NECAB2: variants seen among roughly 807,000 people sequenced by gnomAD.
The protein encoded by NECAB2 is N-terminal EF-hand calcium-binding protein 2.
NECAB2 carries 68 observed loss-of-function variants against 51.9 expected under a neutral mutation model. That is an observed-to-expected ratio of 1.31 (90% confidence interval 1.08 to 1.60). NECAB2 has a LOEUF of 1.60. Ranked by LOEUF, NECAB2 falls within the 40% of genes most tolerant of loss-of-function variation. The pLI, the probability that NECAB2 is intolerant of heterozygous loss-of-function variation, is 0.00. For synonymous variants in NECAB2, 329 were observed against 203.5 expected, an observed-to-expected ratio of 1.62 and a Z score of -5.25; for missense variants, 854 against 490.3, an observed-to-expected ratio of 1.74 and a Z score of -7.00.
chr16:83,992,526 G>T (rs558722951), intron 6 of NECAB2, among the ~76,000 whole-genome samples: 1 of 152,166 alleles, frequency 6.6e-6, no homozygotes, highest in Non-Finnish European at 1.5e-5. Flanking sequence ...ACCCAAGCTC[G>T]ATTGAGCCCT....
chr16:83,990,659 A>T (rs2151095090), intron 6 of NECAB2, 29 bp downstream of exon 6: 3 of 1,612,744 alleles, frequency 1.9e-6, no homozygotes, highest in African/African-American at 2.7e-5. Flanking sequence ...GCAGGGTCCC[A>T]TGGGGGTATG....
At chr16:83,984,079 T>G (rs1450608301) in intron 5 of NECAB2, among the ~76,000 whole-genome samples, 1 of 145,860 alleles carries the variant, frequency 6.9e-6, no homozygotes, top group East Asian at 2.2e-4. Context: ...CACTGCCAGC[T>G]CCGCCTCCCG....
chr16:84,000,366 T>G (rs530841214), intron 10 of NECAB2, among the ~76,000 whole-genome samples: 1 of 98,636 alleles, frequency 1.0e-5, no homozygotes, highest in Non-Finnish European at 1.7e-5. Flanking sequence ...CCCATCTCTA[T>G]TGGGACAGTT....
chr16:84,001,608 C>T (rs541110859), intron 11 of NECAB2, among the ~76,000 whole-genome samples: 1 of 152,182 alleles, frequency 6.6e-6, no homozygotes, highest in South Asian at 2.1e-4. Context: ...TCCCGCTGCC[C>T]ATTTATAGCT....
rs1597227376 is a variant in NECAB2, at chr16:83,998,316, C to T, written c.961C>T (p.His321Tyr). Reference sequence around the variant, plus strand: ...GACCACTGGCGTGAGGAACTGCTTCCAGTGAGTGAGCTGCCGAGGCGTGGG... The same window carrying T: ...GACCACTGGCGTGAGGAACTGCTTCTAGTGAGTGAGCTGCCGAGGCGTGGG... ...RGTTGVRNCFHITAVRLSDGF... is the reference protein window; with the variant it reads ...RGTTGVRNCFYITAVRLSDGF... Residue 321 changes from histidine (H) to tyrosine (Y), a missense_variant and splice_region_variant, in exon 10 of 13, where the codon CAC becomes TAC. Physicochemically the swap from His to Tyr is moderately conservative, Grantham distance 83 (BLOSUM62 2). Coordinates refer to ENST00000305202, the MANE Select transcript of NECAB2 (RefSeq NM_019065.3). 5 of 1,613,234 alleles carry T rather than the reference C, an allele frequency of 3.1e-6. No individual in the cohort carries two copies. The highest frequency in any genetic ancestry group is 1.7e-4 in the Middle Eastern group (1 of 6,060).
At chr16:83,999,199 G>A (rs942353190) in intron 10 of NECAB2, among the ~76,000 whole-genome samples, 1 of 152,206 alleles carries the variant, frequency 6.6e-6, no homozygotes, top group Non-Finnish European at 1.5e-5. Flanking sequence ...GAGTAGCCTG[G>A]GCAGGAGTGC....
At chr16:83,990,397 C>A (rs1597214675) in intron 5 of NECAB2, 97 bp from the exon 6 acceptor site, 2 of 1,489,830 alleles carry the variant, frequency 1.3e-6, no homozygotes. Flanking sequence ...AAAGCAAATT[C>A]ACCAGCACCA....
At chr16:83,998,122 A>AG in intron 9 of NECAB2, 83 bp from the exon 10 acceptor site, 1 of 1,206,624 alleles carries the variant, frequency 8.3e-7, no homozygotes, top group Non-Finnish European at 1.2e-6. Context: ...TGACCGAGGA[A>AG]GGGAGGTCAT....
chr16:83,972,120 C>T (rs756395572), intron 1 of NECAB2, 31 bp from the exon 2 acceptor site: 11 of 1,612,716 alleles, frequency 6.8e-6, no homozygotes, highest in East Asian at 2.2e-5. Flanking sequence ...TCTCCCTGGC[C>T]CAGGGCTGAC....
At chr16:83,999,550 C>G (rs866864070) in intron 10 of NECAB2, among the ~76,000 whole-genome samples, 127 of 152,270 alleles carry the variant, frequency 8.3e-4, no homozygotes, top group African/African-American at 3.0e-3. Context: ...CCGGCCCCTT[C>G]CTCTAGGCTG....
rs111707235 is a variant in NECAB2 at position 84,001,675 on chromosome 16, CCTCACCTTCCCACAAAGGCT to C, written c.1041-147_1041-128del. 1,202 of 632,068 alleles carry C rather than the reference CCTCACCTTCCCACAAAGGCT, an allele frequency of 1.9e-3. 42 individuals carry two copies. The African/African-American group carries it at 0.07, about 37-fold the overall frequency. 39.2% of individuals were successfully genotyped at this position (632,068 alleles called of 1,614,324 possible). On this transcript the variant is annotated intron_variant, in intron 11 of 12. Transcript: ENST00000305202. The stretch of plus-strand genomic sequence containing the variant: ...CCAGAGTCAGCCTCCCTGGGCACCC[CCTCACCTTCCCACAAAGGCT>C]CTGAGTCCAAAGACCCCCCGTGCTT...
At chr16:83,977,856 G>C (rs1358978264) in intron 2 of NECAB2, among the ~76,000 whole-genome samples, 1 of 152,228 alleles carries the variant, frequency 6.6e-6, no homozygotes, top group Admixed American at 6.5e-5. Context: ...AGTGCTGAGA[G>C]AGTCAGGGCT....
intron 2 of NECAB2, among the ~76,000 whole-genome samples, chr16:83,976,124 G>C (rs941152599): frequency 1.3e-5 from 2 of 152,192 alleles, no homozygotes. Flanking sequence ...GAGCCAGCCA[G>C]AGGGAGGCTG....
At position 84,000,783 on chromosome 16, in the gene NECAB2, C is replaced by T. The variant is rs2084814342; in HGVS notation, c.1022C>T (p.Thr341Ile). The stretch of plus-strand genomic sequence containing the variant: ...TTTGTCATCTATGAGTTCTGGGAGA[C>T]AGAGGAGGCGTGGAAGAGGTGAGAT... ...FTFVIYEFWE[T>I]EEAWKRHLQS... The change falls in exon 11 of 13, where the codon ACA (threonine) becomes ATA (isoleucine). Residue 341 changes from threonine (T) to isoleucine (I), a missense_variant. Thr to Ile is a moderately conservative substitution (Grantham distance 89, BLOSUM62 -1). Coordinates refer to ENST00000305202, the MANE Select transcript of NECAB2 (RefSeq NM_019065.3). 5 of 1,613,512 alleles carry T rather than the reference C, an allele frequency of 3.1e-6. No homozygotes were observed. The highest frequency in any genetic ancestry group is 1.6e-4 in the Middle Eastern group (1 of 6,078).
chr16:84,001,801 CTCACACATGTCCCTGCG>C lies in NECAB2; in HGVS notation c.1041-18_1041-2del. The C allele has an allele frequency of 6.2e-7, 1 of 1,613,354 alleles. No homozygotes were observed. Among genetic ancestry groups the C allele is most frequent in the Non-Finnish European group, 8.5e-7 (1 of 1,179,412 alleles). ...GGAGCTCCACTCCTGCCACCCCTGA[CTCACACATGTCCCTGCG>C]TCACAGGCACCTGCAGAGCCCCCTG... is the stretch of plus-strand genomic sequence containing the variant. On this transcript the variant is annotated splice_region_variant and splice_polypyrimidine_tract_variant and intron_variant, in intron 11 of 12. Transcript: ENST00000305202.
rs985735777 is a variant in NECAB2, at chr16:84,000,862, C to G, written c.1040+61C>G. ...CAGAGGGAAGTGGGGGGGCTGTCTT[C>G]CTGGAGCCAGGCATCCTTGGAGGGG... On this transcript the variant is annotated intron_variant, in intron 11 of 12. Coordinates refer to ENST00000305202, the MANE Select transcript of NECAB2 (RefSeq NM_019065.3). 34 of 1,552,814 alleles carry G rather than the reference C, an allele frequency of 2.2e-5. No individual in the cohort carries two copies. In the African/African-American group the frequency reaches 4.5e-4, roughly 20 times the overall value.
intron 8 of NECAB2, among the ~76,000 whole-genome samples, chr16:83,996,899 G>C (rs1396966360): frequency 6.6e-6 from 1 of 152,142 alleles, no homozygotes; most frequent in African/African-American, 2.4e-5. Flanking sequence ...TGGGGGTTAT[G>C]ATTTGGGGTG....
chr16:83,990,869 C>T (rs1348712860), intron 6 of NECAB2, among the ~76,000 whole-genome samples: 2 of 152,090 alleles, frequency 1.3e-5, no homozygotes. Flanking sequence ...GCCTGGTGTA[C>T]ATATTTATTA....
intron 2 of NECAB2, among the ~76,000 whole-genome samples, chr16:83,975,045 G>A (rs1001598470): frequency 7.5e-6 from 1 of 133,282 alleles, no homozygotes; most frequent in South Asian, 2.7e-4. Flanking sequence ...GAGGTGTGCA[G>A]GGATGAGAGC....
Sources: gnomAD v4.1 joint callset for allele counts (sites outside exome capture counted in the v4.1 genomes callset) on GRCh38, gnomAD v4.1.1 for gene constraint, MANE v1.5 for transcripts, NCBI Gene and HGNC (gene_info 2026-07-23, HGNC 2026-07-21) for gene names.